CNTN5: variants seen among roughly 807,000 people sequenced by gnomAD.
CNTN5 encodes the protein contactin-5.
A neutral mutation model predicts 129.1 loss-of-function variants in CNTN5; 77 were observed. The observed-to-expected ratio is 0.60, with a 90% CI of 0.50 to 0.72. The LOEUF (loss-of-function observed/expected upper bound fraction) is 0.72, where lower values mean the gene tolerates loss of function less well. Among genes scored for constraint, CNTN5 ranks in the 30% least tolerant of loss-of-function variants. The probability of loss-of-function intolerance (pLI) is 0.00; values close to 1 mark genes in which losing one functional copy is unlikely to be tolerated. For missense variants in CNTN5, 1,478 were observed against 1,328.8 expected (o/e 1.11, Z -1.75); for synonymous variants, 509 against 465.6 (o/e 1.09, Z -1.20).
At chr11:99,977,525 G>A (rs1938065818) in intron 8 of CNTN5, among the ~76,000 whole-genome samples, 1 of 152,202 alleles carries the variant, frequency 6.6e-6, no homozygotes, top group African/African-American at 2.4e-5. Context: ...TGGCTGAGAA[G>A]GCCTCAGGAA....
intron 2 of CNTN5, among the ~76,000 whole-genome samples, chr11:99,402,531 G>T (rs1157747743): frequency 6.6e-6 from 1 of 152,036 alleles, no homozygotes; most frequent in Non-Finnish European, 1.5e-5. Flanking sequence ...CTATAGTTTT[G>T]TTGTTGTTTT....
intron 13 of CNTN5, among the ~76,000 whole-genome samples, chr11:100,121,080 G>A (rs1425331262): frequency 6.6e-6 from 1 of 151,952 alleles, no homozygotes; most frequent in Non-Finnish European, 1.5e-5. Flanking sequence ...TATGTGACAT[G>A]GGAGCCCTCA....
intron 16 of CNTN5, chr11:100,225,361 C>G (rs1207165373): frequency 6.6e-6 from 1 of 152,194 alleles, no homozygotes; most frequent in Non-Finnish European, 1.5e-5. Context: ...TGAAACAGTA[C>G]ACCAAATTCT....
chr11:99,473,907 C>T (rs1282226604), intron 2 of CNTN5, among the ~76,000 whole-genome samples: 1 of 152,042 alleles, frequency 6.6e-6, no homozygotes, highest in African/African-American at 2.4e-5. Context: ...GCTTGCCACA[C>T]TGGCTAGAGT....
intron 13 of CNTN5, among the ~76,000 whole-genome samples, chr11:100,133,723 A>G (rs1466761189): frequency 3.9e-5 from 6 of 152,014 alleles, no homozygotes; most frequent in Non-Finnish European, 8.8e-5. Flanking sequence ...GACCCCCTTT[A>G]CCATATAATC....
At chr11:99,961,673 C>T (rs143722247) in intron 8 of CNTN5, among the ~76,000 whole-genome samples, 1 of 152,278 alleles carries the variant, frequency 6.6e-6, no homozygotes, top group African/African-American at 2.4e-5. Flanking sequence ...CCTTCTCTAT[C>T]GCTATATGCA....
At chr11:99,761,436 C>T (rs1239362555) in intron 3 of CNTN5, among the ~76,000 whole-genome samples, 1 of 152,034 alleles carries the variant, frequency 6.6e-6, no homozygotes, top group African/African-American at 2.4e-5. Context: ...CCACAACAGT[C>T]CCCAGAGTGT....
intron 20 of CNTN5, among the ~76,000 whole-genome samples, chr11:100,300,379 G>C (rs1022833542): frequency 1.3e-5 from 2 of 151,350 alleles, no homozygotes; most frequent in African/African-American, 2.4e-5. Flanking sequence ...AAAAGGAAAA[G>C]ACAGCCTTAT....
intron 1 of CNTN5, among the ~76,000 whole-genome samples, chr11:99,109,119 G>T (rs1214977042): frequency 6.6e-6 from 1 of 150,638 alleles, no homozygotes; most frequent in Non-Finnish European, 1.5e-5. Flanking sequence ...ATATGTACAT[G>T]TCTATATGTA....
chr11:99,919,971 T>A (rs1347974250), intron 7 of CNTN5, among the ~76,000 whole-genome samples: 1 of 152,080 alleles, frequency 6.6e-6, no homozygotes, highest in Non-Finnish European at 1.5e-5. Flanking sequence ...TTCATTTTAA[T>A]GCAATCATAC....
chr11:99,476,871 C>T (rs967514356), intron 2 of CNTN5, among the ~76,000 whole-genome samples: 3 of 151,970 alleles, frequency 2.0e-5, no homozygotes, highest in Admixed American at 6.6e-5. Context: ...AATTACAATC[C>T]GAACTTTTAT....
chr11:99,791,001 G>A (rs780927934), intron 3 of CNTN5, among the ~76,000 whole-genome samples: 27 of 151,718 alleles, frequency 1.8e-4, no homozygotes, highest in Non-Finnish European at 3.1e-4. Context: ...CTTTTAATGG[G>A]GTTGTTACTG....
At chr11:99,914,622 T>G (rs902233853) in intron 6 of CNTN5, among the ~76,000 whole-genome samples, 2 of 152,224 alleles carry the variant, frequency 1.3e-5, no homozygotes, top group African/African-American at 4.8e-5. Context: ...CCCAGAAAAG[T>G]AGAACTAGAA....
At chr11:100,291,897 A>G (rs1950987715) in intron 18 of CNTN5, among the ~76,000 whole-genome samples, 2 of 151,334 alleles carry the variant, frequency 1.3e-5, no homozygotes, top group Admixed American at 6.6e-5. Flanking sequence ...AACAAACAAC[A>G]ACAAAAAAAA....
At chr11:99,213,164 C>T (rs973584020) in intron 1 of CNTN5, among the ~76,000 whole-genome samples, 2 of 149,990 alleles carry the variant, frequency 1.3e-5, no homozygotes, top group African/African-American at 4.9e-5. Context: ...GCACTCCAGC[C>T]AGGGCGACAG....
chr11:99,098,247 T>G (rs1866566436), intron 1 of CNTN5, among the ~76,000 whole-genome samples: 1 of 152,092 alleles, frequency 6.6e-6, no homozygotes, highest in Non-Finnish European at 1.5e-5. Flanking sequence ...TGTTTAGGTC[T>G]GTAAACTGGA....
chr11:99,211,941 T>A (rs1859816154), intron 1 of CNTN5, among the ~76,000 whole-genome samples: 1 of 152,218 alleles, frequency 6.6e-6, no homozygotes, highest in African/African-American at 2.4e-5. Flanking sequence ...TTGTTTCATA[T>A]TTTTTAAATG....
chr11:99,843,038 C>T (rs1947564812), intron 4 of CNTN5, among the ~76,000 whole-genome samples: 1 of 152,128 alleles, frequency 6.6e-6, no homozygotes, highest in Non-Finnish European at 1.5e-5. Context: ...TGAGACCAGC[C>T]TGGCCAACAT....
intron 2 of CNTN5, among the ~76,000 whole-genome samples, chr11:99,522,291 A>G (rs1426847853): frequency 1.3e-5 from 2 of 152,178 alleles, no homozygotes; most frequent in Non-Finnish European, 2.9e-5. Context: ...TGGAATTAGC[A>G]GATATTTAAA....
Sources: allele counts gnomAD v4.1 joint callset (sites outside exome capture counted in the v4.1 genomes callset), GRCh38; gene constraint gnomAD v4.1.1; transcripts MANE v1.5; gene names NCBI Gene and HGNC (gene_info 2026-07-23, HGNC 2026-07-21).